The following ZFHX3 variants were observed in gnomAD, a reference collection of about 807,000 sequenced individuals.
The protein encoded by ZFHX3 is zinc finger homeobox protein 3.
Under a neutral mutation model 279.1 loss-of-function variants are expected in ZFHX3, and 42 were observed. That is an observed-to-expected ratio of 0.15 (90% CI 0.12 to 0.19). The LOEUF (loss-of-function observed/expected upper bound fraction) is 0.19, where lower values mean the gene tolerates loss of function less well. ZFHX3 is among the 10% of genes least tolerant of loss of function. The pLI is 1.00. For synonymous variants in ZFHX3, 2,293 were observed against 1,957.8 expected (o/e 1.17, Z -4.52); for missense variants, 4,981 against 4,754.0 (o/e 1.05, Z -1.40).
At chr16:73,721,262 C>T (rs1294802886) in intron 1 of ZFHX3, among the ~76,000 whole-genome samples, 2 of 152,180 alleles carry the variant, frequency 1.3e-5, no homozygotes, top group African/African-American at 2.4e-5. Flanking sequence ...GCTGGGACTA[C>T]AGGCGTGAGC....
intron 2 of ZFHX3, among the ~76,000 whole-genome samples, chr16:73,477,367 A>C (rs766261571): frequency 1.3e-5 from 2 of 152,246 alleles, no homozygotes; most frequent in Non-Finnish European, 1.5e-5. Context: ...TTCATTAAAC[A>C]TGTACATGTG....
At chr16:73,890,511 T>C (rs966419888) in intron 1 of ZFHX3, among the ~76,000 whole-genome samples, 1 of 152,240 alleles carries the variant, frequency 6.6e-6, no homozygotes, top group African/African-American at 2.4e-5. Flanking sequence ...GGTTGAAACC[T>C]TTGCCACCCA....
chr16:73,661,533 C>T (rs1179272137), intron 2 of ZFHX3, among the ~76,000 whole-genome samples: 1 of 152,002 alleles, frequency 6.6e-6, no homozygotes, highest in African/African-American at 2.4e-5. Context: ...CCATCCTGCC[C>T]AACATGGCAA....
At chr16:73,218,114 G>A (rs1480636101) in intron 5 of ZFHX3, among the ~76,000 whole-genome samples, 3 of 151,984 alleles carry the variant, frequency 2.0e-5, no homozygotes, top group Non-Finnish European at 4.4e-5. Flanking sequence ...CTGTGGAACC[G>A]CCCATCCTGC....
chr16:73,226,395 T>C (rs2012592088), intron 5 of ZFHX3, among the ~76,000 whole-genome samples: 1 of 152,260 alleles, frequency 6.6e-6, no homozygotes, highest in South Asian at 2.1e-4. Flanking sequence ...AGCTGACATG[T>C]TTAAAGCGCA....
At position 73,595,315 on chromosome 16, in the gene ZFHX3, C is replaced by G. The variant is rs2052037528; in HGVS notation, c.-1547+84865G>C. ...GCCAGATGATGGCCTCAAATGTCCT[C>G]TAGCAAAGTGTACCAAGGACTGCTT... On this transcript the variant is annotated intron_variant, in intron 2 of 17. Coordinates refer to the ZFHX3 transcript ENST00000641206. Among the ~76,000 whole-genome samples, 3 of 152,200 alleles carry G rather than the reference C, an allele frequency of 2.0e-5. No homozygotes were observed. The South Asian group carries it at 6.2e-4, about 32-fold the overall frequency.
intron 2 of ZFHX3, among the ~76,000 whole-genome samples, chr16:73,652,811 T>C (rs572125710): frequency 3.3e-5 from 5 of 152,072 alleles, no homozygotes; most frequent in African/African-American, 1.2e-4. Context: ...TCCATATGAA[T>C]ACAAAAAATA....
chr16:72,940,172 T>C (rs1206987171), intron 3 of ZFHX3, among the ~76,000 whole-genome samples: 1 of 152,186 alleles, frequency 6.6e-6, no homozygotes, highest in Admixed American at 6.5e-5. Flanking sequence ...TCAGCCTCCC[T>C]GTGTTGAGTT....
intron 5 of ZFHX3, among the ~76,000 whole-genome samples, chr16:73,233,451 T>G (rs1264486782): frequency 1.3e-5 from 2 of 152,354 alleles, no homozygotes; most frequent in African/African-American, 4.8e-5. Flanking sequence ...TACCTTCTGA[T>G]AGCAGGAGCT....
At chr16:73,576,708 A>C (rs1035725672) in intron 2 of ZFHX3, among the ~76,000 whole-genome samples, 7 of 151,984 alleles carry the variant, frequency 4.6e-5, no homozygotes, top group Non-Finnish European at 1.0e-4. Context: ...AAAAACAAAA[A>C]CAAAAACAAA....
intron 5 of ZFHX3, among the ~76,000 whole-genome samples, chr16:73,187,064 C>T (rs776535871): frequency 1.3e-5 from 2 of 151,750 alleles, no homozygotes; most frequent in Admixed American, 6.6e-5. Context: ...GAAATCAAAT[C>T]AAATCAAGTC....
intron 2 of ZFHX3, among the ~76,000 whole-genome samples, chr16:73,648,758 G>A (rs896912675): frequency 5.9e-5 from 9 of 152,146 alleles, no homozygotes; most frequent in Non-Finnish European, 8.8e-5. Context: ...TTGCCCCATT[G>A]ATGGACAATT....
chr16:73,506,870 T>G (rs1460804165), intron 2 of ZFHX3, among the ~76,000 whole-genome samples: 2 of 152,212 alleles, frequency 1.3e-5, no homozygotes, highest in Non-Finnish European at 2.9e-5. Flanking sequence ...GAGAGAGCCC[T>G]CTTCCTGGCT....
intron 1 of ZFHX3, among the ~76,000 whole-genome samples, chr16:73,758,636 G>C (rs933153392): frequency 2.0e-5 from 3 of 152,180 alleles, no homozygotes; most frequent in African/African-American, 7.2e-5. Flanking sequence ...AAGTGGCCTG[G>C]TCTGAATACA....
intron 1 of ZFHX3, among the ~76,000 whole-genome samples, chr16:73,832,621 C>T (rs939645137): frequency 6.6e-6 from 1 of 152,006 alleles, no homozygotes; most frequent in African/African-American, 2.4e-5. Flanking sequence ...AATCATAGCT[C>T]ACTGCGGACT....
chr16:72,953,593 C>G (rs960095188), intron 2 of ZFHX3, among the ~76,000 whole-genome samples: 1 of 151,824 alleles, frequency 6.6e-6, no homozygotes, highest in African/African-American at 2.4e-5. Context: ...CCAGTTTCCA[C>G]TTTAAGCTCT....
At position 73,844,905 on chromosome 16, in the gene ZFHX3, T is replaced by A. The variant is rs546640179; in HGVS notation, c.-1608+46746A>T. Reference sequence around the variant, plus strand: ...GGATGGTAGGAAGATGATGAATAGATGATAGATAGCCCTCCAACTCTAAAA... The same window carrying A: ...GGATGGTAGGAAGATGATGAATAGAAGATAGATAGCCCTCCAACTCTAAAA... On this transcript the variant is annotated intron_variant, in intron 1 of 17. Coordinates refer to the ZFHX3 transcript ENST00000641206. Among the ~76,000 whole-genome samples, 5 of 151,968 alleles carry A rather than the reference T, an allele frequency of 3.3e-5. No homozygotes were observed. In the East Asian group the frequency reaches 5.8e-4, roughly 18 times the overall value.
At chr16:73,227,617 G>GGCA (rs934293060) in intron 5 of ZFHX3, among the ~76,000 whole-genome samples, 3 of 152,040 alleles carry the variant, frequency 2.0e-5, no homozygotes, top group Non-Finnish European at 2.9e-5. Flanking sequence ...GGGAGGTCGA[G>GGCA]GCAGGTGGAT....
At chr16:73,233,286 G>C (rs1286990762) in intron 5 of ZFHX3, among the ~76,000 whole-genome samples, 1 of 151,844 alleles carries the variant, frequency 6.6e-6, no homozygotes, top group Non-Finnish European at 1.5e-5. Flanking sequence ...AAAGAGCTAC[G>C]GTATGCCAGG....
Sources: gnomAD v4.1 joint callset for allele counts (sites outside exome capture counted in the v4.1 genomes callset) on GRCh38, gnomAD v4.1.1 for gene constraint, MANE v1.5 for transcripts, NCBI Gene and HGNC (gene_info 2026-07-23, HGNC 2026-07-21) for gene names.